The following GRIA1 variants were observed in gnomAD, a reference collection of about 807,000 sequenced individuals.
GRIA1 encodes glutamate ionotropic receptor AMPA type subunit 1.
A neutral mutation model predicts 99.2 loss-of-function variants in GRIA1; 31 were observed. The ratio of observed to expected loss-of-function variants is 0.31; its 90% confidence interval spans 0.23 to 0.42. GRIA1 has a LOEUF of 0.42. Among genes scored for constraint, GRIA1 ranks in the 10% least tolerant of loss-of-function variants. The pLI, the probability that GRIA1 is intolerant of heterozygous loss-of-function variation, is 1.00. For synonymous variants in GRIA1, 438 were observed against 432.4 expected (o/e 1.01, Z -0.16); for missense variants, 782 against 1,157.5 (o/e 0.68, Z 4.71).
At chr5:153,595,701 T>C (rs1025078236) in intron 2 of GRIA1, among the ~76,000 whole-genome samples, 8 of 149,468 alleles carry the variant, frequency 5.4e-5, no homozygotes, top group African/African-American at 2.0e-4. Context: ...TTTTTAATTG[T>C]AAACCTTTAT....
chr5:153,529,773 G>A (rs1225943806), intron 2 of GRIA1, among the ~76,000 whole-genome samples: 1 of 152,122 alleles, frequency 6.6e-6, no homozygotes, highest in African/African-American at 2.4e-5. Context: ...GGGCAGAACA[G>A]TTGCAAACTC....
intron 2 of GRIA1, among the ~76,000 whole-genome samples, chr5:153,502,713 G>C (rs1268002970): frequency 2.0e-5 from 3 of 152,156 alleles, no homozygotes; most frequent in African/African-American, 7.2e-5. Context: ...AGGCAAAACT[G>C]GGGCAAATGA....
intron 2 of GRIA1, among the ~76,000 whole-genome samples, chr5:153,553,804 T>C (rs1760370819): frequency 6.6e-6 from 1 of 152,178 alleles, no homozygotes; most frequent in Non-Finnish European, 1.5e-5. Flanking sequence ...AAACTGCCTT[T>C]CCCTGGCACT....
intron 2 of GRIA1, among the ~76,000 whole-genome samples, chr5:153,495,992 C>G (rs1429521460): frequency 6.6e-6 from 1 of 152,182 alleles, no homozygotes; most frequent in African/African-American, 2.4e-5. Context: ...GAATAAATAG[C>G]TGGTGTGTGT....
At chr5:153,809,081 CTTAA>C (rs1450526917) in intron 15 of GRIA1, among the ~76,000 whole-genome samples, 1 of 152,096 alleles carries the variant, frequency 6.6e-6, no homozygotes, top group Non-Finnish European at 1.5e-5. Context: ...GTCTTTTTTC[CTTAA>C]TTAAAGGGAT....
intron 14 of GRIA1, among the ~76,000 whole-genome samples, chr5:153,795,049 G>T (rs1326530794): frequency 6.6e-6 from 1 of 152,116 alleles, no homozygotes; most frequent in Admixed American, 6.6e-5. Flanking sequence ...CCAACTGAGG[G>T]CAGGGTCTGT....
chr5:153,809,966 C>A (rs2149682562), intron 15 of GRIA1, among the ~76,000 whole-genome samples: 1 of 152,146 alleles, frequency 6.6e-6, no homozygotes, highest in Middle Eastern at 3.4e-3. Context: ...AACCCCACCT[C>A]AAAAATTCTG....
intron 2 of GRIA1, among the ~76,000 whole-genome samples, chr5:153,627,703 C>T (rs1767769837): frequency 6.6e-6 from 1 of 152,130 alleles, no homozygotes; most frequent in Non-Finnish European, 1.5e-5. Flanking sequence ...CATATGCCCC[C>T]ACCTCCCCAG....
Position 153,627,484 on chromosome 5 carries a change from C to A in GRIA1, c.221-19444C>A, listed in dbSNP as rs536296261. 2.0e-5 allele frequency among the ~76,000 whole-genome samples: 3 copies of A among 152,144 alleles called. No individual in the cohort carries two copies. In the East Asian group the frequency reaches 5.8e-4, roughly 29 times the overall value. The stretch of plus-strand genomic sequence containing the variant: ...TGGCCTTTCAGCCCCAGAAATCTCC[C>A]CTCACTTGAAAAATAATCTAGAACA... On this transcript the variant is annotated intron_variant, in intron 2 of 15. Transcript: ENST00000285900.
chr5:153,800,674 C>T (rs1765952626), intron 14 of GRIA1, among the ~76,000 whole-genome samples: 1 of 152,220 alleles, frequency 6.6e-6, no homozygotes, highest in Non-Finnish European at 1.5e-5. Flanking sequence ...GCCAAAGCTG[C>T]TACTGGAAGG....
chr5:153,692,533 A>G (rs1757836813), intron 8 of GRIA1, among the ~76,000 whole-genome samples: 1 of 152,194 alleles, frequency 6.6e-6, no homozygotes, highest in Non-Finnish European at 1.5e-5. Flanking sequence ...TTTATATATT[A>G]TCTATATCTG....
chr5:153,546,097 C>T (rs775770690), intron 2 of GRIA1, among the ~76,000 whole-genome samples: 2 of 152,180 alleles, frequency 1.3e-5, no homozygotes, highest in Non-Finnish European at 2.9e-5. Flanking sequence ...ATCTTAGGTA[C>T]TTAACTTGTT....
chr5:153,659,425 A>C (rs1229942994), intron 5 of GRIA1, among the ~76,000 whole-genome samples: 1 of 152,166 alleles, frequency 6.6e-6, no homozygotes, highest in Non-Finnish European at 1.5e-5. Flanking sequence ...GGAACACACA[A>C]GTGCTGAGCC....
At chr5:153,769,899 C>T (rs1196285626) in intron 12 of GRIA1, among the ~76,000 whole-genome samples, 1 of 152,022 alleles carries the variant, frequency 6.6e-6, no homozygotes, top group Non-Finnish European at 1.5e-5. Flanking sequence ...TTTCTTAATT[C>T]TCCCCTTGTT....
intron 11 of GRIA1, among the ~76,000 whole-genome samples, chr5:153,744,156 G>A (rs554659316): frequency 2.4e-4 from 37 of 152,186 alleles, no homozygotes; most frequent in African/African-American, 8.4e-4. Flanking sequence ...TTCTGAGTGA[G>A]GACCCCTGAG....
intron 2 of GRIA1, among the ~76,000 whole-genome samples, chr5:153,497,314 G>T (rs35035880): frequency 0.025 from 3,873 of 152,228 alleles, 66 homozygotes; most frequent in South Asian, 0.043. Flanking sequence ...TGCCTTTGTG[G>T]TAAGTGTAAA....
chr5:153,805,532 T>TG (rs1454422657), intron 15 of GRIA1, among the ~76,000 whole-genome samples: 1 of 152,170 alleles, frequency 6.6e-6, no homozygotes, highest in Non-Finnish European at 1.5e-5. Flanking sequence ...CCCATGTTTG[T>TG]GCTCATGAAC....
At chr5:153,684,301 T>C (rs1446744061) in intron 7 of GRIA1, among the ~76,000 whole-genome samples, 2 of 152,154 alleles carry the variant, frequency 1.3e-5, no homozygotes, top group Admixed American at 6.5e-5. Context: ...ACAACAATAA[T>C]AATAACAGCT....
intron 2 of GRIA1, among the ~76,000 whole-genome samples, chr5:153,570,076 C>T (rs1232259262): frequency 1.3e-5 from 2 of 152,148 alleles, no homozygotes; most frequent in African/African-American, 4.8e-5. Context: ...CACTCTTACC[C>T]ACTGTCAGCA....
Sources: allele counts gnomAD v4.1 joint callset (sites outside exome capture counted in the v4.1 genomes callset), GRCh38; gene constraint gnomAD v4.1.1; transcripts MANE v1.5; gene names NCBI Gene and HGNC (gene_info 2026-07-23, HGNC 2026-07-21).